The following ARNT variants were observed in gnomAD, a reference collection of about 807,000 sequenced individuals.
ARNT encodes aryl hydrocarbon receptor nuclear translocator, also known as class E basic helix-loop-helix protein 2.
In ARNT, 30 loss-of-function variants were observed where a neutral mutation model predicts 105.0. The ratio of observed to expected loss-of-function variants is 0.29; its 90% CI spans 0.21 to 0.39. The LOEUF is 0.39. ARNT is among the 10% of genes least tolerant of loss of function. The pLI is 1.00. For missense variants in ARNT, 748 were observed against 978.7 expected (o/e 0.76, Z 3.15); for synonymous variants, 304 against 344.0 (o/e 0.88, Z 1.29).
At chr1:150,841,101 AC>A (rs888001989) in intron 5 of ARNT, among the ~76,000 whole-genome samples, 22 of 145,724 alleles carry the variant, frequency 1.5e-4, no homozygotes, top group Admixed American at 1.1e-3. Flanking sequence ...GGCGCACACC[AC>A]CACGCCCAGT....
intron 2 of ARNT, among the ~76,000 whole-genome samples, chr1:150,857,979 G>A (rs1410240452): frequency 6.6e-6 from 1 of 152,118 alleles, no homozygotes; most frequent in Non-Finnish European, 1.5e-5. Context: ...AGCTATTCTA[G>A]AGCTCAGCAT....
At chr1:150,820,885 A>G (rs1412242614) in intron 14 of ARNT, among the ~76,000 whole-genome samples, 1 of 152,220 alleles carries the variant, frequency 6.6e-6, no homozygotes, top group Non-Finnish European at 1.5e-5. Flanking sequence ...ATTGCTCAAC[A>G]TGGAGGCTAG....
At position 150,836,417 on chromosome 1, in the gene ARNT, T is replaced by A; in HGVS notation, c.563A>T (p.Tyr188Phe). The change falls in exon 7 of 22, where the codon TAT becomes TTT. Residue 188 changes from tyrosine (Y) to phenylalanine (F), a missense_variant. Tyr to Phe is a conservative substitution (Grantham distance 22). Transcript: ENST00000358595. ...IVSCETGRVV[Y>F]VSDSVTPVLN... Reference sequence around the variant, plus strand: ...AACAGGAGTCACGGAGTCAGACACATACACCACCCTGCCTGTCTCACATGA... The same window carrying A: ...AACAGGAGTCACGGAGTCAGACACAAACACCACCCTGCCTGTCTCACATGA... The A allele has an allele frequency of 1.2e-6, 2 of 1,614,080 alleles. No individual in the cohort carries two copies. The highest frequency in any genetic ancestry group is 1.7e-6 in the Non-Finnish European group (2 of 1,180,014).
chr1:150,861,467 T>C (rs981342739), intron 1 of ARNT, among the ~76,000 whole-genome samples: 1 of 152,174 alleles, frequency 6.6e-6, no homozygotes, highest in Admixed American at 6.5e-5. Context: ...TATTCAACAG[T>C]AGTCAAGGGT....
intron 3 of ARNT, among the ~76,000 whole-genome samples, chr1:150,850,932 C>T (rs1459407087): frequency 6.7e-6 from 1 of 149,656 alleles, no homozygotes; most frequent in Admixed American, 6.6e-5. Context: ...TGCCCGGCCA[C>T]GACCCCGTCT....
rs1032223253 is a variant in ARNT, at chr1:150,810,504, A to G, written c.*1517T>C. 9 of 221,064 alleles carry G rather than the reference A, an allele frequency of 4.1e-5. No individual in the cohort carries two copies. Among genetic ancestry groups the G allele is most frequent in the African/African-American group, 2.0e-4 (9 of 44,634 alleles). 13.7% of individuals were successfully genotyped at this position (221,064 alleles called of 1,614,324 possible). The stretch of plus-strand genomic sequence containing the variant: ...ACCAGACTGGAGACATAAGGAAGGG[A>G]AACTCAGCAAATGGACATTCCTTTG... On this transcript the variant is annotated 3_prime_UTR_variant, in exon 22 of 22. Coordinates refer to ENST00000358595, the MANE Select transcript of ARNT (RefSeq NM_001668.4).
chr1:150,850,409 G>A (rs982947127), intron 3 of ARNT, among the ~76,000 whole-genome samples: 1 of 152,208 alleles, frequency 6.6e-6, no homozygotes, highest in East Asian at 1.9e-4. Context: ...AGCCTGCCGA[G>A]TGCCTGCGAT....
chr1:150,836,396 G>A lies in ARNT; in HGVS notation c.584C>T (p.Pro195Leu). 6.2e-7 allele frequency: 1 copy of A among 1,614,072 alleles called. No homozygotes were observed. Among genetic ancestry groups the A allele is most frequent in the Non-Finnish European group, 8.5e-7 (1 of 1,180,004 alleles). Residue 195 changes from proline to leucine, a missense_variant, in exon 7 of 22, where the codon CCT becomes CTT. Transcript: ENST00000358595. ...RVVYVSDSVTPVLNQPQSEWF... is the reference protein window; with the variant it reads ...RVVYVSDSVTLVLNQPQSEWF... ...TTCAGACTGTGGCTGGTTCAAAACA[G>A]GAGTCACGGAGTCAGACACATACAC...
intron 21 of ARNT, among the ~76,000 whole-genome samples, chr1:150,812,966 ACAT>A (rs1349915176): frequency 6.6e-6 from 1 of 152,126 alleles, no homozygotes; most frequent in African/African-American, 2.4e-5. Flanking sequence ...TAAGGGGCTG[ACAT>A]CATATACACA....
intron 12 of ARNT, among the ~76,000 whole-genome samples, chr1:150,827,143 A>G (rs1229937154): frequency 6.6e-6 from 1 of 152,222 alleles, no homozygotes. Flanking sequence ...TTTCTTTCTC[A>G]GAATATTATA....
At chr1:150,860,431 G>A (rs1332472581) in intron 1 of ARNT, among the ~76,000 whole-genome samples, 2 of 150,742 alleles carry the variant, frequency 1.3e-5, no homozygotes, top group East Asian at 4.0e-4. Context: ...GGCCAGGCTG[G>A]TCTTTAACTC....
chr1:150,818,084 G>T, intron 14 of ARNT, 54 bp from the exon 15 acceptor site: 2 of 1,230,384 alleles, frequency 1.6e-6, no homozygotes, highest in Non-Finnish European at 2.3e-6. Context: ...GAAGGGGGGA[G>T]AGAGAGAGAA....
At position 150,810,382 on chromosome 1, in the gene ARNT, T is replaced by C; in HGVS notation, c.*1639A>G. 4.4e-6 allele frequency: 1 copy of C among 225,332 alleles called. No individual in the cohort carries two copies. The highest frequency in any genetic ancestry group is 6.4e-5 in the East Asian group (1 of 15,656). 14.0% of individuals were successfully genotyped at this position (225,332 alleles called of 1,614,324 possible). ...GGGTTCCATTGGAAACTCAACTTTT[T>C]GGTTTCGTAAATTGTGATATAAATA... On this transcript the variant is annotated 3_prime_UTR_variant, in exon 22 of 22. Coordinates refer to ENST00000358595, the MANE Select transcript of ARNT (RefSeq NM_001668.4).
chr1:150,854,386 C>T (rs1401261191), intron 2 of ARNT, among the ~76,000 whole-genome samples: 4 of 147,450 alleles, frequency 2.7e-5, no homozygotes, highest in African/African-American at 7.5e-5. Context: ...GGTGAAATCC[C>T]GTCTCTACAA....
At chr1:150,850,765 C>T (rs61817641) in intron 3 of ARNT, among the ~76,000 whole-genome samples, 29,614 of 151,696 alleles carry the variant, frequency 0.2, 3,556 homozygotes, top group Non-Finnish European at 0.26. Flanking sequence ...GTGAGGAGCC[C>T]CTCTGCCCGG....
At chr1:150,836,563 A>C (rs1660366094) in intron 6 of ARNT, 70 bp from the exon 7 acceptor site, 1 of 1,474,396 alleles carries the variant, frequency 6.8e-7, no homozygotes, top group African/African-American at 1.4e-5. Context: ...TCACAGGAAG[A>C]AGTAAGACAC....
At chr1:150,824,636 G>T (rs1657823676) in intron 13 of ARNT, among the ~76,000 whole-genome samples, 1 of 151,496 alleles carries the variant, frequency 6.6e-6, no homozygotes, top group Non-Finnish European at 1.5e-5. Flanking sequence ...TGTATTTTTA[G>T]TAGAGACGGG....
At chr1:150,830,735 G>A (rs1659217478) in intron 10 of ARNT, among the ~76,000 whole-genome samples, 1 of 152,128 alleles carries the variant, frequency 6.6e-6, no homozygotes, top group Admixed American at 6.5e-5. Flanking sequence ...TTGGAAAAGA[G>A]AAAAACCAAT....
Position 150,875,612 on chromosome 1 carries a change from C to T in ARNT, c.25+931G>A, listed in dbSNP as rs935219555. Among the ~76,000 whole-genome samples, 3 of 152,204 alleles carry T rather than the reference C, an allele frequency of 2.0e-5. No homozygotes were observed. The South Asian group carries it at 6.2e-4, about 32-fold the overall frequency. ...ACCAAGGTCTCCAAGATAAACTAGA[C>T]CCCTAAAATGAAATGCCTTCTAAAG... is the stretch of plus-strand genomic sequence containing the variant. On this transcript the variant is annotated intron_variant, in intron 1 of 21. Coordinates refer to ENST00000358595, the MANE Select transcript of ARNT (RefSeq NM_001668.4).
Sources: allele counts gnomAD v4.1 joint callset (sites outside exome capture counted in the v4.1 genomes callset), GRCh38; gene constraint gnomAD v4.1.1; transcripts MANE v1.5; gene names NCBI Gene and HGNC (gene_info 2026-07-23, HGNC 2026-07-21).